GALNT13: variants seen among roughly 807,000 people sequenced by gnomAD.
GALNT13 encodes UDP-GalNAc:polypeptide N-acetylgalactosaminyltransferase 13.
A neutral mutation model predicts 64.2 loss-of-function variants in GALNT13; 28 were observed. That is an observed-to-expected ratio of 0.44 (90% CI 0.32 to 0.60). GALNT13 has a LOEUF of 0.60. GALNT13 is among the 20% of genes least tolerant of loss of function. The pLI is 0.05. For missense variants in GALNT13, 577 were observed against 669.8 expected (o/e 0.86, Z 1.53); for synonymous variants, 214 against 224.6 (o/e 0.95, Z 0.42).
At chr2:153,596,501 G>A in the GALNT13 span, among the ~76,000 whole-genome samples, 3 of 151,966 alleles carry the variant, frequency 2.0e-5, no homozygotes, top group Non-Finnish European at 2.9e-5. Flanking sequence ...AGACCATGCC[G>A]AAGATCACCA....
rs937729862 is a variant in GALNT13 at position 154,290,635 on chromosome 2, T to A, written c.976-10774T>A. 3.9e-5 allele frequency among the ~76,000 whole-genome samples: 6 copies of A among 152,166 alleles called. No individual in the cohort carries two copies. In the East Asian group the frequency reaches 1.2e-3, roughly 29 times the overall value. On this transcript the variant is annotated intron_variant, in intron 8 of 12. Coordinates refer to ENST00000392825, the MANE Select transcript of GALNT13 (RefSeq NM_052917.4). ...TGGGGGAATTTAGAAGCTGGGCCAA[T>A]CCTCAGTGCTATAGCTGCTAGGAGG...
At chr2:153,372,811 G>A in the GALNT13 span, among the ~76,000 whole-genome samples, 1 of 152,282 alleles carries the variant, frequency 6.6e-6, no homozygotes, top group Non-Finnish European at 1.5e-5. Context: ...TGCTTAACAA[G>A]TTAGTGTGCC....
chr2:153,923,117 C>T (rs2105340370), intron 2 of GALNT13, among the ~76,000 whole-genome samples: 1 of 152,190 alleles, frequency 6.6e-6, no homozygotes, highest in East Asian at 1.9e-4. Flanking sequence ...CCAGGCTGGT[C>T]TCAAACTCCT....
At chr2:153,679,503 A>C in the GALNT13 span, among the ~76,000 whole-genome samples, 14 of 152,034 alleles carry the variant, frequency 9.2e-5, no homozygotes, top group Admixed American at 9.2e-4. Context: ...ATGTACATGC[A>C]TTATGCATAG....
At chr2:153,525,051 C>T in the GALNT13 span, among the ~76,000 whole-genome samples, 2 of 152,114 alleles carry the variant, frequency 1.3e-5, no homozygotes, top group Non-Finnish European at 2.9e-5. Flanking sequence ...TTCTGGATAC[C>T]AGATCAGCCA....
chr2:154,241,074 C>T (rs2105867910), intron 4 of GALNT13, among the ~76,000 whole-genome samples: 1 of 152,238 alleles, frequency 6.6e-6, no homozygotes, highest in South Asian at 2.1e-4. Context: ...TGACTTGCTC[C>T]TCTCCACACC....
chr2:153,114,229 T>A, the GALNT13 span, among the ~76,000 whole-genome samples: 1 of 152,114 alleles, frequency 6.6e-6, no homozygotes, highest in Non-Finnish European at 1.5e-5. Flanking sequence ...TGATCTCGCT[T>A]GAACGTAAGT....
intron 3 of GALNT13, among the ~76,000 whole-genome samples, chr2:154,121,181 A>G (rs892492570): frequency 1.3e-5 from 2 of 152,108 alleles, no homozygotes; most frequent in African/African-American, 4.8e-5. Context: ...TATGGAACAT[A>G]TGGATGTTTC....
chr2:153,312,953 G>T, the GALNT13 span, among the ~76,000 whole-genome samples: 1 of 152,028 alleles, frequency 6.6e-6, no homozygotes, highest in Non-Finnish European at 1.5e-5. Flanking sequence ...TTGATATTGG[G>T]CATCAAATAA....
chr2:154,346,615 C>T (rs1696083735), intron 9 of GALNT13, among the ~76,000 whole-genome samples: 1 of 152,086 alleles, frequency 6.6e-6, no homozygotes, highest in African/African-American at 2.4e-5. Flanking sequence ...TTGCCTTCTG[C>T]CATGATTGTG....
In GALNT13 at chr2:154,453,789, C is replaced by A. The variant is rs1701963464; in HGVS notation, c.*3238C>A. 6.6e-6 allele frequency: 1 copy of A among 152,128 alleles called. No individual in the cohort carries two copies. Among genetic ancestry groups the A allele is most frequent in the African/African-American group, 2.4e-5 (1 of 41,518 alleles). The allele number at this position is 152,128 out of a possible 1,614,324, so 9.4% of individuals were successfully genotyped here. A position where few individuals can be genotyped will look rare whatever the true frequency, so the allele number is the denominator to read the frequency against. On this transcript the variant is annotated 3_prime_UTR_variant, in exon 13 of 13. Coordinates refer to ENST00000392825, the MANE Select transcript of GALNT13 (RefSeq NM_052917.4). ...AGTTGCTAAGTGTAACTGTATCATA[C>A]TTTTTTTGTATTTTAAATTTTAAAA...
At chr2:153,951,872 TATC>T (rs1307877210) in intron 3 of GALNT13, among the ~76,000 whole-genome samples, 2 of 152,186 alleles carry the variant, frequency 1.3e-5, no homozygotes, top group Non-Finnish European at 1.5e-5. Context: ...GAGTCAGTAT[TATC>T]ATTTTACACA....
the GALNT13 span, among the ~76,000 whole-genome samples, chr2:153,751,369 T>TTTTG: frequency 1.3e-5 from 2 of 151,626 alleles, no homozygotes; most frequent in Non-Finnish European, 3.0e-5. Context: ...GTTTTGTTTT[T>TTTTG]TTTTTCTCTT....
the GALNT13 span, among the ~76,000 whole-genome samples, chr2:153,753,973 G>A: frequency 6.1e-3 from 929 of 152,318 alleles, 10 homozygotes; most frequent in African/African-American, 0.021. Flanking sequence ...TAACAGAGGA[G>A]CCTCGCCTCA....
At chr2:154,288,934 A>G (rs1367243288) in intron 8 of GALNT13, among the ~76,000 whole-genome samples, 2 of 152,212 alleles carry the variant, frequency 1.3e-5, no homozygotes, top group Non-Finnish European at 2.9e-5. Context: ...TCCACTGGAC[A>G]ATGCCCAGGG....
chr2:154,402,953 T>C (rs1699362859), intron 10 of GALNT13, among the ~76,000 whole-genome samples: 1 of 152,158 alleles, frequency 6.6e-6, no homozygotes, highest in African/African-American at 2.4e-5. Context: ...CTCTCCCATA[T>C]GCTAGTATTG....
the GALNT13 span, among the ~76,000 whole-genome samples, chr2:153,481,364 T>A: frequency 1.3e-5 from 2 of 152,196 alleles, no homozygotes. Flanking sequence ...TTTTGAATTT[T>A]CAGTGAACAA....
At chr2:153,086,857 A>T in the GALNT13 span, among the ~76,000 whole-genome samples, 24 of 152,076 alleles carry the variant, frequency 1.6e-4, no homozygotes, top group Non-Finnish European at 2.9e-4. Context: ...TATAGAATTA[A>T]TTCATCAGAT....
the GALNT13 span, among the ~76,000 whole-genome samples, chr2:153,325,236 G>A: frequency 1.4e-5 from 2 of 147,400 alleles, no homozygotes; most frequent in East Asian, 2.1e-4. Context: ...GGAGGTGTAT[G>A]TGTCCAGGAA....
Sources: gnomAD v4.1 joint callset for allele counts (sites outside exome capture counted in the v4.1 genomes callset) on GRCh38, gnomAD v4.1.1 for gene constraint, MANE v1.5 for transcripts, NCBI Gene and HGNC (gene_info 2026-07-23, HGNC 2026-07-21) for gene names.